Variants in ANK3 observed in about 807,000 individuals in gnomAD.
The protein encoded by ANK3 is ankyrin-3.
Under a neutral mutation model 370.9 loss-of-function variants are expected in ANK3, and 57 were observed. That is an observed-to-expected ratio of 0.15 (90% confidence interval 0.12 to 0.19). The LOEUF is 0.19. ANK3 is among the 10% of genes least tolerant of loss of function. The pLI is 1.00. For missense variants in ANK3, 4,439 were observed against 5,302.1 expected, an observed-to-expected ratio of 0.84 and a Z score of 5.06; for synonymous variants, 1,929 against 1,946.3, an observed-to-expected ratio of 0.99 and a Z score of 0.23.
At chr10:60,413,577 G>A (rs1341445306) in intron 2 of ANK3, among the ~76,000 whole-genome samples, 1 of 151,930 alleles carries the variant, frequency 6.6e-6, no homozygotes, top group Non-Finnish European at 1.5e-5. Flanking sequence ...GGAAATCTGG[G>A]AAATTCTGCA....
intron 1 of ANK3, among the ~76,000 whole-genome samples, chr10:60,386,044 C>T (rs1286789643): frequency 6.6e-6 from 1 of 152,146 alleles, no homozygotes; most frequent in African/African-American, 2.4e-5. Flanking sequence ...GTGACTTCAG[C>T]CCATCATGGC....
intron 2 of ANK3, among the ~76,000 whole-genome samples, chr10:60,500,431 ACAGGTAATGTGAGGAAAC>A (rs1214174172): frequency 2.0e-5 from 3 of 152,326 alleles, no homozygotes; most frequent in African/African-American, 7.2e-5. Flanking sequence ...TATAACTGAA[ACAGGTAATGTGAGGAAAC>A]CAGGTACCTT....
chr10:60,354,944 T>C (rs1490983223), intron 1 of ANK3, among the ~76,000 whole-genome samples: 1 of 152,208 alleles, frequency 6.6e-6, no homozygotes, highest in African/African-American at 2.4e-5. Context: ...ATAAATACCC[T>C]GAGTCTGATC....
intron 1 of ANK3, among the ~76,000 whole-genome samples, chr10:60,719,492 A>G (rs1435598757): frequency 6.6e-6 from 1 of 152,158 alleles, no homozygotes; most frequent in Non-Finnish European, 1.5e-5. Flanking sequence ...GGAAGTGCCC[A>G]TATCCTCAAC....
chr10:60,506,007 A>G (rs1440061374), intron 2 of ANK3, among the ~76,000 whole-genome samples: 1 of 152,130 alleles, frequency 6.6e-6, no homozygotes, highest in East Asian at 1.9e-4. Flanking sequence ...TCTCCACCCA[A>G]TTAAGTATTC....
At chr10:60,184,746 A>G (rs953706568) in intron 17 of ANK3, among the ~76,000 whole-genome samples, 3 of 152,246 alleles carry the variant, frequency 2.0e-5, no homozygotes, top group African/African-American at 7.2e-5. Flanking sequence ...AAGGCTGGGC[A>G]TATATTGTAC....
chr10:60,685,664 A>T (rs144570605), intron 1 of ANK3, among the ~76,000 whole-genome samples: 1 of 152,332 alleles, frequency 6.6e-6, no homozygotes, highest in East Asian at 1.9e-4. Flanking sequence ...TGTAATTGAA[A>T]ATGGGAATGG....
intron 1 of ANK3, among the ~76,000 whole-genome samples, chr10:60,648,974 GA>G (rs1564485440): frequency 6.6e-6 from 1 of 151,954 alleles, no homozygotes; most frequent in African/African-American, 2.4e-5. Context: ...TGTACCTTAT[GA>G]AGGCACAAAG....
At chr10:60,086,527 G>A in intron 30 of ANK3, 150 bp downstream of exon 30, 1 of 628,320 alleles carries the variant, frequency 1.6e-6, no homozygotes. Flanking sequence ...CCAGAGATGA[G>A]GTGATGGACA....
chr10:60,590,747 C>T (rs1481016662), intron 2 of ANK3, among the ~76,000 whole-genome samples: 2 of 152,208 alleles, frequency 1.3e-5, no homozygotes, highest in East Asian at 1.9e-4. Context: ...AACCTACTCA[C>T]ATGTTCCTGC....
At chr10:60,062,796 A>C (rs2080855858) in intron 40 of ANK3, 1 of 186,286 alleles carries the variant, frequency 5.4e-6, no homozygotes, top group Admixed American at 6.0e-5. Context: ...GGGTTAATAT[A>C]AAAATTAAAA....
At chr10:60,241,737 A>G (rs2097461801) in intron 7 of ANK3, among the ~76,000 whole-genome samples, 1 of 152,230 alleles carries the variant, frequency 6.6e-6, no homozygotes, top group Admixed American at 6.5e-5. Context: ...CATATGATTA[A>G]CCAATACTTT....
chr10:60,291,681 C>T (rs889713711), intron 1 of ANK3, among the ~76,000 whole-genome samples: 1 of 152,188 alleles, frequency 6.6e-6, no homozygotes, highest in Non-Finnish European at 1.5e-5. Flanking sequence ...AGTACCTAAC[C>T]CAAGATGTGA....
At chr10:60,573,387 CAAGA>C (rs1226316481) in intron 2 of ANK3, among the ~76,000 whole-genome samples, 33 of 152,118 alleles carry the variant, frequency 2.2e-4, no homozygotes, top group Admixed American at 2.2e-3. Flanking sequence ...AACCAACTAA[CAAGA>C]AACCCTCCAG....
intron 1 of ANK3, among the ~76,000 whole-genome samples, chr10:60,646,278 G>A (rs2078708638): frequency 6.6e-6 from 1 of 152,208 alleles, no homozygotes; most frequent in Non-Finnish European, 1.5e-5. Flanking sequence ...AAGGACTTGG[G>A]ACTTTATTCT....
At chr10:60,354,949 C>A (rs1332522200) in intron 1 of ANK3, among the ~76,000 whole-genome samples, 1 of 152,160 alleles carries the variant, frequency 6.6e-6, no homozygotes, top group Non-Finnish European at 1.5e-5. Flanking sequence ...TACCCTGAGT[C>A]TGATCATCTC....
At chr10:60,316,873 G>A (rs974396081) in intron 1 of ANK3, among the ~76,000 whole-genome samples, 5 of 151,672 alleles carry the variant, frequency 3.3e-5, no homozygotes, top group Non-Finnish European at 5.9e-5. Flanking sequence ...TCAGCCTCCC[G>A]AGTAGCTGGA....
At chr10:60,452,070 CT>C (rs2064620711) in intron 2 of ANK3, among the ~76,000 whole-genome samples, 1 of 152,228 alleles carries the variant, frequency 6.6e-6, no homozygotes. Flanking sequence ...TAATATGTTT[CT>C]GTAAATTCAC....
chr10:60,538,587 A>G (rs2076775313), intron 2 of ANK3, among the ~76,000 whole-genome samples: 1 of 151,774 alleles, frequency 6.6e-6, no homozygotes, highest in South Asian at 2.1e-4. Flanking sequence ...ACATCTATAT[A>G]CTCTATTCTA....
Sources: allele counts gnomAD v4.1 joint callset (sites outside exome capture counted in the v4.1 genomes callset), GRCh38; gene constraint gnomAD v4.1.1; transcripts MANE v1.5; gene names NCBI Gene and HGNC (gene_info 2026-07-23, HGNC 2026-07-21).